The following TOX variants were observed in gnomAD, a reference collection of about 807,000 sequenced individuals.
TOX encodes thymocyte selection associated high mobility group box.
A neutral mutation model predicts 53.7 loss-of-function variants in TOX; 11 were observed. That is an observed-to-expected ratio of 0.20 (90% CI 0.13 to 0.34). The LOEUF (loss-of-function observed/expected upper bound fraction) is 0.34. Ranked by LOEUF, TOX falls within the 10% of genes least tolerant of loss-of-function variation. The probability of loss-of-function intolerance (pLI) is 1.00; values close to 1 mark genes in which losing one functional copy is unlikely to be tolerated. For missense variants in TOX, 570 were observed against 664.6 expected (o/e 0.86, Z 1.56); for synonymous variants, 225 against 245.3 (o/e 0.92, Z 0.77).
At chr8:58,882,687 T>C (rs1811403724) in intron 3 of TOX, among the ~76,000 whole-genome samples, 1 of 152,214 alleles carries the variant, frequency 6.6e-6, no homozygotes. Flanking sequence ...AGAAGACCTT[T>C]TAACAATAGA....
chr8:59,017,539 A>T (rs1814038826), intron 1 of TOX, among the ~76,000 whole-genome samples: 1 of 152,220 alleles, frequency 6.6e-6, no homozygotes, highest in African/African-American at 2.4e-5. Flanking sequence ...GATAAATTTG[A>T]GATAATTTTC....
At chr8:58,970,566 G>A (rs1275719264) in intron 1 of TOX, among the ~76,000 whole-genome samples, 1 of 152,154 alleles carries the variant, frequency 6.6e-6, no homozygotes, top group East Asian at 1.9e-4. Context: ...CTGACCTCAT[G>A]GATGATTGAG....
chr8:58,886,052 T>C (rs1811462070), intron 3 of TOX, among the ~76,000 whole-genome samples: 1 of 152,254 alleles, frequency 6.6e-6, no homozygotes, highest in South Asian at 2.1e-4. Context: ...TTATCCCTAA[T>C]GACTGTCCCA....
chr8:58,968,399 A>G lies in TOX; in HGVS notation c.103-8391T>C, dbSNP rs75438882. Reference sequence around the variant, plus strand: ...ATTCTGTAATGATTAAAGCTGTAAAACTATACCGTATAGTTGAAATTCAGC... The same window carrying G: ...ATTCTGTAATGATTAAAGCTGTAAAGCTATACCGTATAGTTGAAATTCAGC... On this transcript the variant is annotated intron_variant, in intron 1 of 8. Coordinates refer to ENST00000361421, the MANE Select transcript of TOX (RefSeq NM_014729.3). 5.6e-3 allele frequency among the ~76,000 whole-genome samples: 849 copies of G among 152,302 alleles called. 6 individuals are homozygous for G. The highest frequency in any genetic ancestry group is 9.8e-3 in the Non-Finnish European group (664 of 68,028).
At chr8:59,051,877 T>C (rs1803796609) in intron 1 of TOX, among the ~76,000 whole-genome samples, 1 of 152,174 alleles carries the variant, frequency 6.6e-6, no homozygotes, top group South Asian at 2.1e-4. Context: ...GAGAAGTTTA[T>C]CAGCTCTATT....
chr8:59,065,867 A>G (rs1804078798), intron 1 of TOX, among the ~76,000 whole-genome samples: 1 of 152,196 alleles, frequency 6.6e-6, no homozygotes, highest in African/African-American at 2.4e-5. Context: ...AAAATCATCA[A>G]ATAATCAGAT....
intron 3 of TOX, among the ~76,000 whole-genome samples, chr8:58,911,866 C>T (rs897649065): frequency 1.3e-5 from 2 of 152,094 alleles, no homozygotes; most frequent in South Asian, 2.1e-4. Context: ...CCATGCCCAG[C>T]GACTTTTGTA....
intron 1 of TOX, among the ~76,000 whole-genome samples, chr8:59,056,271 A>C (rs1446190489): frequency 1.3e-5 from 2 of 151,800 alleles, no homozygotes; most frequent in Non-Finnish European, 2.9e-5. Context: ...ACCAAAAATA[A>C]AAATTTAAAA....
chr8:58,997,976 T>C (rs1585951912), intron 1 of TOX, among the ~76,000 whole-genome samples: 3 of 152,152 alleles, frequency 2.0e-5, no homozygotes, highest in East Asian at 3.9e-4. Context: ...GTATTTTTAG[T>C]AGAGACGGGT....
In TOX at chr8:59,037,661, C is replaced by A. The variant is rs529706965; in HGVS notation, c.103-77653G>T. 3.0e-4 allele frequency among the ~76,000 whole-genome samples: 46 copies of A among 151,874 alleles called. No homozygotes were observed. The Middle Eastern group carries it at 0.014, about 46-fold the overall frequency. ...TCCTAAAAATACAAAAATTAGCCGG[C>A]CGTGGTGGCAGGCACCTGTAATCCT... On this transcript the variant is annotated intron_variant, in intron 1 of 8. Coordinates refer to ENST00000361421, the MANE Select transcript of TOX (RefSeq NM_014729.3).
intron 2 of TOX, among the ~76,000 whole-genome samples, chr8:58,956,678 T>C (rs1028002616): frequency 1.3e-5 from 2 of 152,194 alleles, no homozygotes; most frequent in Non-Finnish European, 2.9e-5. Context: ...CTCAACTCAC[T>C]GCAACCTCCA....
At position 59,069,680 on chromosome 8, in the gene TOX, A is replaced by C. The variant is rs1470177067; in HGVS notation, c.102+49206T>G. Among the ~76,000 whole-genome samples the C allele has an allele frequency of 3.3e-5, 5 of 152,310 alleles. No homozygotes were observed. The South Asian group carries it at 1.0e-3, about 32-fold the overall frequency. ...AGAGATAGCGCCAAAATTTCAAGCCATGATTTTCAGTGTATTAAAATGCAT... is the reference window on the plus strand; with the variant it reads ...AGAGATAGCGCCAAAATTTCAAGCCCTGATTTTCAGTGTATTAAAATGCAT... On this transcript the variant is annotated intron_variant, in intron 1 of 8. Transcript: ENST00000361421.
intron 1 of TOX, among the ~76,000 whole-genome samples, chr8:59,013,509 C>T (rs1369873014): frequency 2.0e-5 from 3 of 151,572 alleles, no homozygotes; most frequent in African/African-American, 7.3e-5. Context: ...CTCCCAAGTT[C>T]AAACAATTCT....
At chr8:58,854,518 T>C (rs1271314824) in intron 3 of TOX, among the ~76,000 whole-genome samples, 1 of 151,056 alleles carries the variant, frequency 6.6e-6, no homozygotes, top group African/African-American at 2.4e-5. Flanking sequence ...ATTCCCACTC[T>C]TGCAATGGAA....
At chr8:59,076,699 T>C (rs1353289853) in intron 1 of TOX, among the ~76,000 whole-genome samples, 1 of 152,198 alleles carries the variant, frequency 6.6e-6, no homozygotes, top group African/African-American at 2.4e-5. Flanking sequence ...AAATAAATAA[T>C]CTCATGTATG....
At chr8:58,928,302 G>A (rs1331387508) in intron 3 of TOX, among the ~76,000 whole-genome samples, 2 of 152,294 alleles carry the variant, frequency 1.3e-5, no homozygotes, top group South Asian at 4.1e-4. Context: ...AGGCTGCTTT[G>A]GGGAAAGAAA....
At chr8:59,064,867 A>T (rs1368798920) in intron 1 of TOX, among the ~76,000 whole-genome samples, 2 of 152,186 alleles carry the variant, frequency 1.3e-5, no homozygotes, top group Non-Finnish European at 2.9e-5. Context: ...TATAATTTTT[A>T]AAAATGAAAG....
At chr8:58,833,860 G>T (rs112246792) in intron 5 of TOX, among the ~76,000 whole-genome samples, 2,363 of 152,240 alleles carry the variant, frequency 0.016, 57 homozygotes, top group African/African-American at 0.053. Flanking sequence ...CAGTGGCTTT[G>T]GTAGGAATGA....
intron 2 of TOX, among the ~76,000 whole-genome samples, chr8:58,947,236 T>C (rs1190391614): frequency 6.6e-6 from 1 of 152,094 alleles, no homozygotes; most frequent in Non-Finnish European, 1.5e-5. Context: ...TCAGATAATT[T>C]TAAGATCCAT....
Sources: allele counts gnomAD v4.1 joint callset (sites outside exome capture counted in the v4.1 genomes callset), GRCh38; gene constraint gnomAD v4.1.1; transcripts MANE v1.5; gene names NCBI Gene and HGNC (gene_info 2026-07-23, HGNC 2026-07-21).